The following LYPD4 variants were observed in gnomAD, a reference collection of about 807,000 sequenced individuals.
The protein encoded by LYPD4 is LY6/PLAUR domain containing 4, also known as ly6/PLAUR domain-containing protein 4.
A neutral mutation model predicts 18.2 loss-of-function variants in LYPD4; 20 were observed. The ratio of observed to expected loss-of-function variants is 1.10; its 90% CI spans 0.77 to 1.59. The LOEUF (loss-of-function observed/expected upper bound fraction) is 1.59. LYPD4 is among the 40% of genes most tolerant of loss of function. LYPD4 has a pLI of 0.00. For synonymous variants in LYPD4, 111 were observed against 118.3 expected (o/e 0.94, Z 0.40); for missense variants, 278 against 300.3 (o/e 0.93, Z 0.55).
At chr19:41,842,243 G>GT (rs1212133549) in intron 1 of LYPD4, among the ~76,000 whole-genome samples, 2 of 151,960 alleles carry the variant, frequency 1.3e-5, no homozygotes, top group African/African-American at 4.8e-5. Context: ...TGCCCCAGCT[G>GT]TTATCAAACT....
chr19:41,838,760 T>C (rs1365274846), intron 3 of LYPD4, 121 bp downstream of exon 3: 7 of 394,126 alleles, frequency 1.8e-5, no homozygotes, highest in South Asian at 6.3e-5. Flanking sequence ...TATATATACA[T>C]ATATATATAT....
intron 1 of LYPD4, chr19:41,839,695 T>TGTGTGTGTGTGTGTGTGTGA (rs2073512263): frequency 5.1e-6 from 1 of 194,656 alleles, no homozygotes; most frequent in Non-Finnish European, 1.1e-5. Context: ...TGTGTGTGTG[T>TGTGTGTGTGTGTGTGTGTGA]GTGTGTGTGT....
In LYPD4 at chr19:41,837,213, C is replaced by A. The variant is rs186047531; in HGVS notation, c.671G>T (p.Gly224Val). Reference sequence around the variant, plus strand: ...AGGATCTTGCCTGGAGGATGCTGCACCAACAATCTGAGACTTCTCTAAGAT... The same window carrying A: ...AGGATCTTGCCTGGAGGATGCTGCAACAACAATCTGAGACTTCTCTAAGAT... ...LNILEKSQIV[G>V]AASSRQDPAW... is the part of the protein sequence containing the mutation. Residue 224 changes from glycine (G) to valine (V), a missense_variant, in exon 5 of 5, where the codon GGT (glycine) becomes GTT (valine). By Grantham distance (109) the Gly-to-Val change is moderately radical. Transcript: ENST00000609812. 1.2e-6 allele frequency: 2 copies of A among 1,613,950 alleles called. No individual in the cohort carries two copies. The highest frequency in any genetic ancestry group is 4.5e-5 in the East Asian group (2 of 44,886).
intron 2 of LYPD4, 27 bp downstream of exon 2, chr19:41,839,192 T>G (rs782390741): frequency 6.2e-7 from 1 of 1,614,108 alleles, no homozygotes. Flanking sequence ...TTCTGGGTCT[T>G]ATAGCATCCA....
rs781872701 is a variant in LYPD4 at position 41,837,923 on chromosome 19, C to T, written c.538+12G>A. Reference sequence around the variant, plus strand: ...AGTAGGCATTTGATAAACAATATTCCTCTCCTCTCACCTGCCTGAAATTTT... The same window carrying T: ...AGTAGGCATTTGATAAACAATATTCTTCTCCTCTCACCTGCCTGAAATTTT... On this transcript the variant is annotated intron_variant, in intron 4 of 4. Coordinates refer to ENST00000609812, the MANE Select transcript of LYPD4 (RefSeq NM_173506.7). The T allele has an allele frequency of 6.3e-7, 1 of 1,591,130 alleles. No homozygotes were observed. The highest frequency in any genetic ancestry group is 8.6e-7 in the Non-Finnish European group (1 of 1,166,224).
intron 1 of LYPD4, among the ~76,000 whole-genome samples, chr19:41,840,642 C>T (rs2073553115): frequency 6.6e-6 from 1 of 152,056 alleles, no homozygotes; most frequent in Admixed American, 6.5e-5. Context: ...ACCATCCTGG[C>T]TAACACGGTG....
At chr19:41,843,236 T>A (rs2073706300) in intron 1 of LYPD4, among the ~76,000 whole-genome samples, 1 of 151,900 alleles carries the variant, frequency 6.6e-6, no homozygotes, top group Non-Finnish European at 1.5e-5. Context: ...CAAAGATCAC[T>A]GACCTTGGCC....
rs1040605661 is a variant in LYPD4, at chr19:41,838,927, A to G, written c.165T>C (p.Cys55=). 6.2e-7 allele frequency: 1 copy of G among 1,614,030 alleles called. No homozygotes were observed. The highest frequency in any genetic ancestry group is 8.5e-7 in the Non-Finnish European group (1 of 1,180,020). ...TCTCCTCGCAGCCCTCTTGCAGCTT[A>G]CACACCATGTTCCTCATCAGAAGCC... ...WKWLLMRNMV[C]KLQEGCEETL... Residue 55 remains cysteine, a synonymous_variant, in exon 3 of 5, where the codon TGT becomes TGC. Transcript: ENST00000609812.
chr19:41,838,444 C>T (rs1314930728), intron 3 of LYPD4, among the ~76,000 whole-genome samples, 183 bp from the exon 4 acceptor site: 2 of 152,204 alleles, frequency 1.3e-5, no homozygotes, highest in South Asian at 2.1e-4. Flanking sequence ...TCTGGATCTC[C>T]TCATTCTTCC....
intron 2 of LYPD4, 68 bp downstream of exon 2, chr19:41,839,151 C>T: frequency 1.2e-6 from 2 of 1,613,460 alleles, no homozygotes; most frequent in Non-Finnish European, 1.7e-6. Flanking sequence ...AGCCCTCGTT[C>T]CACCAGTGAC....
rs868966502 is a variant in LYPD4 at position 41,839,013 on chromosome 19, G to A, written c.79C>T (p.Leu27Phe). The A allele has an allele frequency of 1.2e-6, 2 of 1,613,412 alleles. No homozygotes were observed. The highest frequency in any genetic ancestry group is 1.3e-5 in the African/African-American group (1 of 74,816). Reference protein sequence around the residue: ...AISTLPRAGALLCYEATASRF... With the variant: ...AISTLPRAGAFLCYEATASRF... Reference sequence around the variant, plus strand: ...GAGGCTGTTGCTTCATAGCACAAAAGAGCTCCAGCCCCTAAAAAGAGAATG... The same window carrying A: ...GAGGCTGTTGCTTCATAGCACAAAAAAGCTCCAGCCCCTAAAAAGAGAATG... Residue 27 changes from leucine to phenylalanine, a missense_variant, in exon 3 of 5, where the codon CTT becomes TTT. Transcript: ENST00000609812.
At chr19:41,836,743 GA>G (rs79552823), downstream of LYPD4, among the ~76,000 whole-genome samples, 2,266 of 130,818 alleles carry the variant, frequency 0.017, 13 homozygotes, top group Middle Eastern at 0.031. Flanking sequence ...TCAAAAAAAG[GA>G]AAAAAAAAAA....
chr19:41,842,159 C>T (rs1405846710), intron 1 of LYPD4, among the ~76,000 whole-genome samples: 2 of 152,088 alleles, frequency 1.3e-5, no homozygotes, highest in African/African-American at 4.8e-5. Flanking sequence ...CCTCTCACCT[C>T]GGCCACCCAA....
chr19:41,839,680 T>TGTGTGTGTGTGTGTGTGTGTGTGTGTGTG (rs60674548), intron 1 of LYPD4: 3 of 213,492 alleles, frequency 1.4e-5, no homozygotes, highest in Non-Finnish European at 2.8e-5. Context: ...CTCGTGTGTG[T>TGTGTGTGTGTGTGTGTGTGTGTGTGTGTG]TGTGTGTGTG....
At chr19:41,837,505 C>G (rs1221766687) in intron 4 of LYPD4, among the ~76,000 whole-genome samples, 160 bp from the exon 5 acceptor site, 4 of 152,018 alleles carry the variant, frequency 2.6e-5, no homozygotes, top group African/African-American at 9.7e-5. Flanking sequence ...ACTAGCCTGG[C>G]CAACATGGCA....
In LYPD4 at chr19:41,837,127, G is replaced by A. The variant is rs202149633; in HGVS notation, c.*16C>T. 1.5e-5 allele frequency: 24 copies of A among 1,613,316 alleles called. No individual in the cohort carries two copies. The highest frequency in any genetic ancestry group is 6.6e-5 in the South Asian group (6 of 91,022). On this transcript the variant is annotated 3_prime_UTR_variant, in exon 5 of 5. Transcript: ENST00000609812. The stretch of plus-strand genomic sequence containing the variant: ...ATGTGAAAGAGTCTGGGTGCTTGTC[G>A]GGTGCAGCTAGATGGTCAGTCCCTG...
chr19:41,842,191 C>A (rs528214730), intron 1 of LYPD4, among the ~76,000 whole-genome samples: 1 of 151,956 alleles, frequency 6.6e-6, no homozygotes, highest in African/African-American at 2.4e-5. Context: ...TACAGGTGTG[C>A]GCCAACACAC....
chr19:41,838,919 T>G lies in LYPD4; in HGVS notation c.173A>C (p.Gln58Pro), dbSNP rs112654847. The G allele has an allele frequency of 1.1e-3, 1,807 of 1,613,988 alleles. 19 individuals carry two copies. The African/African-American group carries it at 0.021, about 19-fold the overall frequency. ...LLMRNMVCKLQEGCEETLVFI... is the reference protein window; with the variant it reads ...LLMRNMVCKLPEGCEETLVFI... ...CACTAGCGTCTCCTCGCAGCCCTCT[T>G]GCAGCTTACACACCATGTTCCTCAT... Residue 58 changes from glutamine to proline, a missense_variant, in exon 3 of 5, where the codon CAA becomes CCA. Coordinates refer to ENST00000609812, the MANE Select transcript of LYPD4 (RefSeq NM_173506.7).
At chr19:41,840,603 C>T (rs2073551750) in intron 1 of LYPD4, among the ~76,000 whole-genome samples, 1 of 152,150 alleles carries the variant, frequency 6.6e-6, no homozygotes, top group African/African-American at 2.4e-5. Context: ...GAGGCCGAGG[C>T]AGGCAGATCA....
Sources: gnomAD v4.1 joint callset for allele counts (sites outside exome capture counted in the v4.1 genomes callset) on GRCh38, gnomAD v4.1.1 for gene constraint, MANE v1.5 for transcripts, NCBI Gene and HGNC (gene_info 2026-07-23, HGNC 2026-07-21) for gene names.